Variants in CYRIB observed in about 807,000 individuals in gnomAD.
CYRIB encodes CYFIP-related Rac1 interactor B.
A neutral mutation model predicts 44.2 loss-of-function variants in CYRIB; 8 were observed. That is an observed-to-expected ratio of 0.18 (90% confidence interval 0.11 to 0.33). The LOEUF (loss-of-function observed/expected upper bound fraction) is 0.33. CYRIB is among the 10% of genes least tolerant of loss of function. The pLI is 1.00. For synonymous variants in CYRIB, 131 were observed against 127.2 expected (o/e 1.03, Z -0.20); for missense variants, 185 against 382.8 (o/e 0.48, Z 4.31).
intron 1 of CYRIB, among the ~76,000 whole-genome samples, chr8:129,921,321 C>T (rs2083438682): frequency 6.6e-6 from 1 of 152,146 alleles, no homozygotes; most frequent in South Asian, 2.1e-4. Flanking sequence ...TTCTTCTTCC[C>T]TAACTTCTTG....
intron 2 of CYRIB, among the ~76,000 whole-genome samples, chr8:129,899,827 G>A (rs1377003371): frequency 1.3e-5 from 2 of 152,214 alleles, no homozygotes; most frequent in Non-Finnish European, 2.9e-5. Context: ...TTGCTGGGCA[G>A]ATGTCCTTGC....
At chr8:129,893,982 TCTCA>T (rs2066670539) in intron 2 of CYRIB, among the ~76,000 whole-genome samples, 1 of 152,238 alleles carries the variant, frequency 6.6e-6, no homozygotes, top group African/African-American at 2.4e-5. Context: ...AACTGGATTT[TCTCA>T]CTCAATAGTT....
At chr8:129,858,288 TATG>T (rs2047275583) in intron 5 of CYRIB, among the ~76,000 whole-genome samples, 1 of 152,136 alleles carries the variant, frequency 6.6e-6, no homozygotes, top group African/African-American at 2.4e-5. Context: ...ACCATGAGAT[TATG>T]ATTTTTTAAA....
chr8:129,902,139 T>A (rs1180549406), intron 2 of CYRIB, among the ~76,000 whole-genome samples: 1 of 152,228 alleles, frequency 6.6e-6, no homozygotes, highest in East Asian at 1.9e-4. Context: ...AGCAAGGTGA[T>A]AACAATTCTG....
intron 10 of CYRIB, chr8:129,847,466 A>C (rs2040720292): frequency 6.6e-6 from 1 of 152,336 alleles, no homozygotes; most frequent in South Asian, 2.1e-4. Flanking sequence ...TCCGTCACAA[A>C]AAATAAAATA....
intron 2 of CYRIB, among the ~76,000 whole-genome samples, chr8:129,945,411 G>A (rs938907960): frequency 1.3e-5 from 2 of 152,168 alleles, no homozygotes; most frequent in African/African-American, 4.8e-5. Flanking sequence ...GAAAGCCTCA[G>A]TTTCCCCCAC....
chr8:129,987,326 G>C (rs1238153612), intron 1 of CYRIB, among the ~76,000 whole-genome samples: 3 of 152,084 alleles, frequency 2.0e-5, no homozygotes, highest in Non-Finnish European at 4.4e-5. Flanking sequence ...GCAACATAAC[G>C]CTGACACAAT....
intron 2 of CYRIB, among the ~76,000 whole-genome samples, chr8:129,966,641 TC>T (rs2095490078): frequency 6.6e-6 from 1 of 152,154 alleles, no homozygotes. Context: ...GGCAGGAGGA[TC>T]ACTTGAGTCC....
chr8:129,983,378 G>C (rs2096322596), intron 1 of CYRIB, among the ~76,000 whole-genome samples: 1 of 152,150 alleles, frequency 6.6e-6, no homozygotes, highest in Non-Finnish European at 1.5e-5. Context: ...CCAGGAGGCG[G>C]AGCTTGCAGT....
Position 129,996,770 on chromosome 8 carries a change from C to T in CYRIB, c.-296+19600G>A, listed in dbSNP as rs1329000457. ...CATCTCTCTTCCTGTGACCAACTTA[C>T]TGTTTGGGATCTAATGTATTCTGTA... On this transcript the variant is annotated intron_variant, in intron 1 of 14. Transcript: ENST00000401979. Among the ~76,000 whole-genome samples, 4 of 152,244 alleles carry T rather than the reference C, an allele frequency of 2.6e-5. No individual in the cohort carries two copies. In the East Asian group the frequency reaches 7.7e-4, roughly 29 times the overall value.
chr8:129,844,513 AGAAGACAATTATCTACTACT>A (rs2038620589), intron 11 of CYRIB: 1 of 152,220 alleles, frequency 6.6e-6, no homozygotes, highest in Admixed American at 6.5e-5. Context: ...AATTTAATAA[AGAAGACAATTATCTACTACT>A]GAATCTGAAC....
At chr8:129,961,927 C>A (rs926499138) in intron 2 of CYRIB, among the ~76,000 whole-genome samples, 2 of 152,190 alleles carry the variant, frequency 1.3e-5, no homozygotes, top group Non-Finnish European at 2.9e-5. Context: ...GTTTCTTTAA[C>A]AAACACAATT....
intron 1 of CYRIB, among the ~76,000 whole-genome samples, chr8:130,003,172 C>A (rs2096947892): frequency 1.3e-5 from 2 of 152,200 alleles, no homozygotes; most frequent in African/African-American, 2.4e-5. Flanking sequence ...GCATCATGAT[C>A]GTGCCACTAC....
At chr8:129,869,113 C>T (rs1037274672) in intron 4 of CYRIB, among the ~76,000 whole-genome samples, 15 of 149,924 alleles carry the variant, frequency 1.0e-4, no homozygotes, top group African/African-American at 2.9e-4. Context: ...AGGCTGGGCG[C>T]GGTGGTTCAC....
intron 2 of CYRIB, among the ~76,000 whole-genome samples, chr8:129,957,511 C>T (rs541554828): frequency 1.3e-5 from 2 of 152,196 alleles, no homozygotes; most frequent in Non-Finnish European, 2.9e-5. Flanking sequence ...TATTTATCAA[C>T]TTGTCACCAA....
chr8:129,890,345 G>C (rs1250482849), intron 2 of CYRIB: 1 of 152,134 alleles, frequency 6.6e-6, no homozygotes, highest in African/African-American at 2.4e-5. Flanking sequence ...CTACTACCTT[G>C]ATCAGTCTGA....
intron 1 of CYRIB, among the ~76,000 whole-genome samples, chr8:129,979,613 G>A (rs1362629033): frequency 6.6e-6 from 1 of 152,020 alleles, no homozygotes; most frequent in Non-Finnish European, 1.5e-5. Flanking sequence ...CAGCAGGAGG[G>A]TCTATTAATT....
At chr8:129,938,289 G>A (rs1260175667) in intron 1 of CYRIB, among the ~76,000 whole-genome samples, 2 of 152,188 alleles carry the variant, frequency 1.3e-5, no homozygotes, top group Non-Finnish European at 2.9e-5. Context: ...AAAAGGATCA[G>A]TGTGTTTTTC....
At chr8:130,005,547 C>T (rs543522145) in intron 1 of CYRIB, among the ~76,000 whole-genome samples, 3 of 152,254 alleles carry the variant, frequency 2.0e-5, no homozygotes, top group Non-Finnish European at 4.4e-5. Context: ...CTTCCACCTT[C>T]GACTGGAATC....
Sources: allele counts gnomAD v4.1 joint callset (sites outside exome capture counted in the v4.1 genomes callset), GRCh38; gene constraint gnomAD v4.1.1; transcripts MANE v1.5; gene names NCBI Gene and HGNC (gene_info 2026-07-23, HGNC 2026-07-21).